EFCAB13: variants seen among roughly 807,000 people sequenced by gnomAD.
The protein encoded by EFCAB13 is EF-hand calcium binding domain 13.
In EFCAB13, 91 loss-of-function variants were observed where a neutral mutation model predicts 110.2. The observed-to-expected ratio is 0.83, with a 90% CI of 0.70 to 0.98. The LOEUF (loss-of-function observed/expected upper bound fraction) is 0.98, where lower values mean the gene tolerates loss of function less well. Ranked by LOEUF, EFCAB13 falls within the 50% of genes least tolerant of loss-of-function variation. The pLI is 0.00. For synonymous variants in EFCAB13, 323 were observed against 369.9 expected (o/e 0.87, Z 1.45); for missense variants, 968 against 1,119.4 (o/e 0.86, Z 1.93).
chr17:47,406,229 C>T (rs2143454565), intron 20 of EFCAB13, among the ~76,000 whole-genome samples: 1 of 152,310 alleles, frequency 6.6e-6, no homozygotes, highest in South Asian at 2.1e-4. Context: ...TCTCCTGCCT[C>T]AGCCTCTTGA....
intron 6 of EFCAB13, among the ~76,000 whole-genome samples, chr17:47,343,448 G>A (rs866440983): frequency 7.2e-5 from 11 of 151,922 alleles, no homozygotes; most frequent in African/African-American, 2.7e-4. Flanking sequence ...TTTTCACTGG[G>A]GAATAAGTTT....
chr17:47,328,237 C>T (rs766187169), intron 3 of EFCAB13, 32 bp from the exon 4 acceptor site: 129 of 888,734 alleles, frequency 1.5e-4, no homozygotes, highest in African/African-American at 2.3e-4. Flanking sequence ...TCTAAACAAG[C>T]GTATGATTTC....
At chr17:47,341,729 T>C (rs988281238) in intron 5 of EFCAB13, among the ~76,000 whole-genome samples, 192 bp from the exon 6 acceptor site, 5 of 152,206 alleles carry the variant, frequency 3.3e-5, no homozygotes, top group Non-Finnish European at 7.3e-5. Context: ...AATAATATAC[T>C]GTGATTTATT....
intron 24 of EFCAB13, 118 bp from the exon 25 acceptor site, chr17:47,440,313 C>T: frequency 2.0e-6 from 2 of 1,008,164 alleles, no homozygotes; most frequent in Non-Finnish European, 2.8e-6. Context: ...GAAGAAATAG[C>T]CCAGCCTTAC....
chr17:47,409,567 C>T (rs986364480), intron 20 of EFCAB13, 80 bp from the exon 21 acceptor site: 1 of 1,027,572 alleles, frequency 9.7e-7, no homozygotes, highest in African/African-American at 1.6e-5. Context: ...AGTATTCAAT[C>T]TATCCATTGG....
intron 9 of EFCAB13, among the ~76,000 whole-genome samples, chr17:47,358,916 C>T (rs1294530324): frequency 2.6e-5 from 4 of 152,184 alleles, no homozygotes; most frequent in Non-Finnish European, 5.9e-5. Flanking sequence ...AAGCCTTTGG[C>T]TTATTTTCAG....
At chr17:47,350,680 GT>G in intron 9 of EFCAB13, among the ~76,000 whole-genome samples, 1 of 151,622 alleles carries the variant, frequency 6.6e-6, no homozygotes, top group Non-Finnish European at 1.5e-5. Context: ...CAGGAGTCTT[GT>G]TTGTATCTCT....
At chr17:47,350,891 T>C (rs1241712115) in intron 9 of EFCAB13, among the ~76,000 whole-genome samples, 1 of 152,212 alleles carries the variant, frequency 6.6e-6, no homozygotes, top group South Asian at 2.1e-4. Context: ...GTTCTTATGC[T>C]CGGTCCTTGG....
chr17:47,406,496 A>G (rs1355156166), intron 20 of EFCAB13, among the ~76,000 whole-genome samples: 1 of 152,202 alleles, frequency 6.6e-6, no homozygotes, highest in East Asian at 1.9e-4. Flanking sequence ...TGAGGTCTGT[A>G]ATAGACGGTT....
intron 14 of EFCAB13, among the ~76,000 whole-genome samples, chr17:47,385,268 T>C (rs965765198): frequency 4.6e-5 from 7 of 152,170 alleles, no homozygotes; most frequent in African/African-American, 1.7e-4. Context: ...CCCCTGTCAC[T>C]TTCAGGGACC....
chr17:47,379,410 A>T (rs543469354), intron 14 of EFCAB13, among the ~76,000 whole-genome samples, 157 bp downstream of exon 14: 1 of 152,306 alleles, frequency 6.6e-6, no homozygotes, highest in East Asian at 1.9e-4. Context: ...TTGCTATATC[A>T]GAGTAATAAT....
chr17:47,415,827 C>G (rs900666525), intron 23 of EFCAB13, among the ~76,000 whole-genome samples: 3 of 152,036 alleles, frequency 2.0e-5, no homozygotes, highest in Admixed American at 2.0e-4. Context: ...TCTATGTTGC[C>G]TAACCACATC....
At chr17:47,378,727 A>G (rs2136751) in intron 13 of EFCAB13, among the ~76,000 whole-genome samples, 78,546 of 151,676 alleles carry the variant, frequency 0.52, 20,792 homozygotes, top group Middle Eastern at 0.56. Context: ...AGGGAGATAG[A>G]GATGGGAATC....
chr17:47,379,044 T>C (rs933134248), intron 13 of EFCAB13, 138 bp from the exon 14 acceptor site: 2 of 626,806 alleles, frequency 3.2e-6, no homozygotes, highest in Non-Finnish European at 5.6e-6. Flanking sequence ...GAAAGAATTA[T>C]GAGACATGAT....
rs182577092 is a variant in EFCAB13 at position 47,417,616 on chromosome 17, G to T, written c.2494+2697G>T. Among the ~76,000 whole-genome samples, 5 of 152,258 alleles carry T rather than the reference G, an allele frequency of 3.3e-5. No individual in the cohort carries two copies. The East Asian group carries it at 9.6e-4, about 29-fold the overall frequency. ...AAGTCATCTTCAGTTAATTCCTCTG[G>T]TGTGGTGTATATTAACTCTTGAATT... On this transcript the variant is annotated intron_variant, in intron 23 of 24. Transcript: ENST00000331493.
At chr17:47,418,604 T>C (rs1232514945) in intron 23 of EFCAB13, among the ~76,000 whole-genome samples, 1 of 152,234 alleles carries the variant, frequency 6.6e-6, no homozygotes, top group Non-Finnish European at 1.5e-5. Context: ...AATTTATATT[T>C]TATTTTGTTG....
chr17:47,366,975 A>G (rs2065550124), intron 10 of EFCAB13, among the ~76,000 whole-genome samples: 1 of 152,220 alleles, frequency 6.6e-6, no homozygotes, highest in Admixed American at 6.5e-5. Context: ...GTCTAACAGA[A>G]TACTTTTCAG....
At chr17:47,402,344 G>T in intron 18 of EFCAB13, 141 bp downstream of exon 18, 1 of 731,436 alleles carries the variant, frequency 1.4e-6, no homozygotes, top group Non-Finnish European at 2.2e-6. Flanking sequence ...ATGAAACTTG[G>T]TTTTGATTAA....
intron 24 of EFCAB13, among the ~76,000 whole-genome samples, chr17:47,438,598 C>T (rs909375687): frequency 5.3e-5 from 8 of 151,414 alleles, no homozygotes; most frequent in South Asian, 2.1e-4. Flanking sequence ...ATTACTGAGA[C>T]TTTCCGGAGC....
Sources: gnomAD v4.1 joint callset for allele counts (sites outside exome capture counted in the v4.1 genomes callset) on GRCh38, gnomAD v4.1.1 for gene constraint, MANE v1.5 for transcripts, NCBI Gene and HGNC (gene_info 2026-07-23, HGNC 2026-07-21) for gene names.